The following PAPLN variants were observed in gnomAD, a reference collection of about 807,000 sequenced individuals.
PAPLN encodes the protein papilin, proteoglycan like sulfated glycoprotein.
A neutral mutation model predicts 159.0 loss-of-function variants in PAPLN; 146 were observed. The ratio of observed to expected loss-of-function variants is 0.92; its 90% CI spans 0.80 to 1.05. The LOEUF (loss-of-function observed/expected upper bound fraction) is 1.05, where lower values mean the gene tolerates loss of function less well. PAPLN is among the 50% of genes least tolerant of loss of function. The probability of loss-of-function intolerance (pLI) is 0.00; values close to 1 mark genes in which losing one functional copy is unlikely to be tolerated. For synonymous variants in PAPLN, 734 were observed against 702.9 expected, an observed-to-expected ratio of 1.04 and a Z score of -0.70; for missense variants, 1,720 against 1,743.9, an observed-to-expected ratio of 0.99 and a Z score of 0.24.
chr14:73,256,101 G>C (rs974884218), intron 14 of PAPLN, among the ~76,000 whole-genome samples: 1 of 152,208 alleles, frequency 6.6e-6, no homozygotes, highest in African/African-American at 2.4e-5. Context: ...GGTCCTTGGG[G>C]CTCACCAGCA....
chr14:73,255,118 G>A, intron 14 of PAPLN, 100 bp downstream of exon 14: 1 of 1,454,444 alleles, frequency 6.9e-7, no homozygotes, highest in Non-Finnish European at 9.3e-7. Context: ...TGCCTGCACT[G>A]TGTCATCCCT....
In PAPLN at chr14:73,263,898, C is replaced by A. The variant is rs1444970635; in HGVS notation, c.2861+116C>A. ...TGATAGGTGTGACAGACCCCCTCCT[C>A]CTTTGACAGGTGTGTGTGACAGCCC... On this transcript the variant is annotated intron_variant, in intron 20 of 26. Coordinates refer to ENST00000644200, the MANE Select transcript of PAPLN (RefSeq NM_001365906.3). The A allele has an allele frequency of 3.3e-6, 4 of 1,224,024 alleles. No homozygotes were observed. In the Admixed American group the frequency reaches 6.2e-5, roughly 19 times the overall value. The allele number at this position is 1,224,024 out of a possible 1,614,324, so 75.8% of individuals were successfully genotyped here.
At chr14:73,244,565 TAGGC>T in intron 2 of PAPLN, 75 bp from the exon 3 acceptor site, 2 of 1,252,096 alleles carry the variant, frequency 1.6e-6, no homozygotes, top group Non-Finnish European at 2.3e-6. Flanking sequence ...GGGAGGGTTT[TAGGC>T]AGAGCATCTT....
At chr14:73,257,827 G>A (rs778844760) in intron 14 of PAPLN, among the ~76,000 whole-genome samples, 29 of 141,032 alleles carry the variant, frequency 2.1e-4, no homozygotes, top group Admixed American at 7.8e-4. Context: ...GCAGTGGCGC[G>A]ATCTCGGCTC....
rs998042023 is a variant in PAPLN at position 73,254,527 on chromosome 14, T to C, written c.1317T>C (p.Cys439=). ...PEPWGECSVS[C]GVGVRKRSVT... ...TGTCCTTGCAGTGTTCTGTCAGTTG[T>C]GGCGTTGGCGTCCGGAAGCGGAGCG... is the stretch of plus-strand genomic sequence containing the variant. Residue 439 remains cysteine (C), a synonymous_variant, in exon 13 of 27, where the codon TGT becomes TGC. Transcript: ENST00000644200. 1 of 1,613,992 alleles carries C rather than the reference T, an allele frequency of 6.2e-7. No individual in the cohort carries two copies. Among genetic ancestry groups the C allele is most frequent in the Non-Finnish European group, 8.5e-7 (1 of 1,179,878 alleles).
chr14:73,249,778 G>A (rs1885028851), intron 5 of PAPLN: 1 of 371,342 alleles, frequency 2.7e-6, no homozygotes, highest in Non-Finnish European at 4.6e-6. Context: ...CTGATTCTGG[G>A]ATTTTTCTTC....
chr14:73,260,381 G>A (rs1363515150), intron 16 of PAPLN, among the ~76,000 whole-genome samples: 9 of 152,068 alleles, frequency 5.9e-5, no homozygotes, highest in Non-Finnish European at 1.0e-4. Context: ...TGTAACCCCC[G>A]CTGTGAACTG....
In PAPLN at chr14:73,252,638, C is replaced by T. The variant is rs759887240; in HGVS notation, c.968-11C>T. 1.9e-6 allele frequency: 3 copies of T among 1,611,158 alleles called. No homozygotes were observed. Among genetic ancestry groups the T allele is most frequent in the Admixed American group, 1.7e-5 (1 of 59,918 alleles). On this transcript the variant is annotated splice_polypyrimidine_tract_variant and intron_variant, in intron 10 of 26. Transcript: ENST00000644200. ...CTGGCGTCTGCCCGCCATGGCTGGG[C>T]CTCTGCGCAGGTCACCAGTCCCGCC...
At chr14:73,252,606 A>T in intron 10 of PAPLN, 43 bp from the exon 11 acceptor site, 1 of 1,601,522 alleles carries the variant, frequency 6.2e-7, no homozygotes, top group African/African-American at 1.3e-5. Context: ...CGCTTGGTGA[A>T]TGTTGACTGG....
intron 2 of PAPLN, among the ~76,000 whole-genome samples, chr14:73,241,422 A>G (rs1034207142): frequency 6.6e-6 from 1 of 152,218 alleles, no homozygotes; most frequent in African/African-American, 2.4e-5. Flanking sequence ...ATCCTAGGCA[A>G]ATAAGCCTTA....
rs553280767 is a variant in PAPLN, at chr14:73,251,128, C to T, written c.589+98C>T. On this transcript the variant is annotated intron_variant, in intron 7 of 26. Transcript: ENST00000644200. ...CTGGCCTAGACTCCAGGCCAAGTGG[C>T]CCTCATGGCACTGGAAGGCTCTGAT... 68 of 1,507,840 alleles carry T rather than the reference C, an allele frequency of 4.5e-5. No homozygotes were observed. The Admixed American group carries it at 1.3e-3, about 29-fold the overall frequency. The allele number at this position is 1,507,840 out of a possible 1,614,324, so 93.4% of individuals were successfully genotyped here.
At chr14:73,264,047 G>A in intron 20 of PAPLN, 164 bp from the exon 21 acceptor site, 1 of 1,535,682 alleles carries the variant, frequency 6.5e-7, no homozygotes, top group Non-Finnish European at 8.7e-7. Context: ...GCTGACAGGT[G>A]TGTGTGACAG....
At position 73,269,980 on chromosome 14, in the gene PAPLN, A is replaced by G. The variant is rs1887563366; in HGVS notation, c.3667+1257A>G. On this transcript the variant is annotated intron_variant, in intron 26 of 26. Coordinates refer to ENST00000644200, the MANE Select transcript of PAPLN (RefSeq NM_001365906.3). ...GGACTGACTTGTCGGCTTCCTGTCT[A>G]TGATCTCTTTAGAGATCGCCTCCCC... is the stretch of plus-strand genomic sequence containing the variant. Among the ~76,000 whole-genome samples the G allele has an allele frequency of 2.6e-5, 4 of 152,334 alleles. No homozygotes were observed. The South Asian group carries it at 8.3e-4, about 32-fold the overall frequency.
chr14:73,257,289 A>G (rs1886020627), intron 14 of PAPLN, among the ~76,000 whole-genome samples: 1 of 152,112 alleles, frequency 6.6e-6, no homozygotes, highest in African/African-American at 2.4e-5. Context: ...TTTATTCTTT[A>G]TAACTTTCTT....
chr14:73,271,028 CTGT>C (rs898223066), intron 26 of PAPLN, among the ~76,000 whole-genome samples: 1 of 152,122 alleles, frequency 6.6e-6, no homozygotes, highest in Admixed American at 6.6e-5. Flanking sequence ...GTTGCTGTTG[CTGT>C]TATTAGTCCC....
chr14:73,259,196 G>A, intron 15 of PAPLN, 73 bp from the exon 16 acceptor site: 2 of 1,521,894 alleles, frequency 1.3e-6, no homozygotes, highest in South Asian at 2.6e-5. Context: ...GAGGAAGGTG[G>A]GTCCAACGTG....
At chr14:73,267,016 T>C (rs1358185603) in intron 25 of PAPLN, among the ~76,000 whole-genome samples, 185 bp downstream of exon 25, 3 of 152,148 alleles carry the variant, frequency 2.0e-5, no homozygotes, top group African/African-American at 4.8e-5. Flanking sequence ...GGCCACTGGC[T>C]CTCTGCTGGT....
chr14:73,271,614 G>A (rs1453910187), intron 26 of PAPLN, among the ~76,000 whole-genome samples: 1 of 151,932 alleles, frequency 6.6e-6, no homozygotes, highest in Non-Finnish European at 1.5e-5. Context: ...CGATTCTTCT[G>A]CCTCAGCTTC....
intron 11 of PAPLN, chr14:73,253,371 CG>C: frequency 2.7e-6 from 2 of 742,648 alleles, no homozygotes; most frequent in Non-Finnish European, 4.0e-6. Context: ...TCCTTGCACC[CG>C]GGGCCTGGCA....
Sources: gnomAD v4.1 joint callset for allele counts (sites outside exome capture counted in the v4.1 genomes callset) on GRCh38, gnomAD v4.1.1 for gene constraint, MANE v1.5 for transcripts, NCBI Gene and HGNC (gene_info 2026-07-23, HGNC 2026-07-21) for gene names.